Variants in KCNH1 observed in about 807,000 individuals in gnomAD.
KCNH1 encodes the protein voltage-gated delayed rectifier potassium channel KCNH1.
Under a neutral mutation model 69.2 loss-of-function variants are expected in KCNH1, and 27 were observed. That is an observed-to-expected ratio of 0.39 (90% CI 0.29 to 0.54). The LOEUF (loss-of-function observed/expected upper bound fraction) is 0.54. KCNH1 is among the 20% of genes least tolerant of loss of function. KCNH1 has a pLI of 0.68. For synonymous variants in KCNH1, 456 were observed against 487.7 expected (o/e 0.93, Z 0.86); for missense variants, 798 against 1,261.6 (o/e 0.63, Z 5.57).
At chr1:210,806,170 A>G in intron 7 of KCNH1, among the ~76,000 whole-genome samples, 1 of 152,342 alleles carries the variant, frequency 6.6e-6, no homozygotes, top group Non-Finnish European at 1.5e-5. Flanking sequence ...GCACCACTTT[A>G]CATTCCTGCC....
chr1:210,696,290 G>A (rs549727609), intron 10 of KCNH1, among the ~76,000 whole-genome samples: 4 of 152,252 alleles, frequency 2.6e-5, no homozygotes, highest in African/African-American at 9.6e-5. Flanking sequence ...CCTAGGTTTT[G>A]GTAATACTGC....
At chr1:211,051,935 T>C (rs901336949) in intron 5 of KCNH1, among the ~76,000 whole-genome samples, 3 of 151,988 alleles carry the variant, frequency 2.0e-5, no homozygotes, top group Non-Finnish European at 4.4e-5. Flanking sequence ...CAAATCTCTC[T>C]CTTTGCACTA....
intron 10 of KCNH1, among the ~76,000 whole-genome samples, chr1:210,719,064 G>C (rs189567517): frequency 1.4e-3 from 218 of 152,186 alleles, no homozygotes; most frequent in African/African-American, 5.0e-3. Flanking sequence ...GTCCAGTATG[G>C]TAGCCATTGC....
intron 10 of KCNH1, among the ~76,000 whole-genome samples, chr1:210,774,218 G>C (rs561080806): frequency 6.6e-6 from 1 of 152,312 alleles, no homozygotes; most frequent in African/African-American, 2.4e-5. Context: ...TAGTCAAGCA[G>C]CCATAAGAAG....
intron 7 of KCNH1, among the ~76,000 whole-genome samples, chr1:210,872,574 G>A (rs897682738): frequency 6.6e-6 from 1 of 152,170 alleles, no homozygotes; most frequent in Non-Finnish European, 1.5e-5. Flanking sequence ...CATCTGCTCA[G>A]CTTCTGGGGA....
At chr1:211,047,687 G>A (rs991855506) in intron 5 of KCNH1, among the ~76,000 whole-genome samples, 1 of 152,206 alleles carries the variant, frequency 6.6e-6, no homozygotes, top group African/African-American at 2.4e-5. Flanking sequence ...GTGTGTGTGT[G>A]TACATTCTTG....
rs537084808 is a variant in KCNH1 at position 210,771,530 on chromosome 1, C to T, written c.2112+3818G>A. 2.2e-4 allele frequency among the ~76,000 whole-genome samples: 34 copies of T among 152,256 alleles called. 1 individual carries two copies. The South Asian group carries it at 3.5e-3, about 16-fold the overall frequency. On this transcript the variant is annotated intron_variant, in intron 10 of 10. Transcript: ENST00000271751. ...ACAGAACATTGCGCAGGGCAATAAC[C>T]CTGCATGAACAAAGGCAGAGGAACT...
Position 210,683,406 on chromosome 1 carries a change from T to G in KCNH1, c.2845A>C (p.Lys949Gln). 6.2e-7 allele frequency: 1 copy of G among 1,614,138 alleles called. No individual in the cohort carries two copies. Among genetic ancestry groups the G allele is most frequent in the Non-Finnish European group, 8.5e-7 (1 of 1,180,020 alleles). The change falls in exon 11 of 11, where the codon AAA becomes CAA. Residue 949 changes from lysine (K) to glutamine (Q), a missense_variant. This residue lies in a region of KCNH1 where 331 missense variants were observed against 363.2 expected (regional missense o/e 0.91). Coordinates refer to ENST00000271751, the MANE Select transcript of KCNH1 (RefSeq NM_172362.3). The surrounding 1 kb of genome is among the most constrained non-coding windows in gnomAD (Gnocchi z 5.7). ...ALNAKMTNIE[K>Q]QLSEILRILT... ...ATCCTGAGTATCTCAGAGAGCTGTT[T>G]CTCAATATTGGTCATTTTGGCGTTT...
At chr1:210,865,369 G>T (rs1001023020) in intron 7 of KCNH1, among the ~76,000 whole-genome samples, 11 of 152,128 alleles carry the variant, frequency 7.2e-5, no homozygotes, top group African/African-American at 2.2e-4. Flanking sequence ...CTTGACCAAG[G>T]TCATATAGTT....
At chr1:210,857,954 G>T (rs894128371) in intron 7 of KCNH1, among the ~76,000 whole-genome samples, 8 of 152,120 alleles carry the variant, frequency 5.3e-5, no homozygotes, top group South Asian at 2.1e-4. Context: ...AACAAGAGGG[G>T]TAGAAGGGAT....
intron 6 of KCNH1, among the ~76,000 whole-genome samples, chr1:210,975,469 G>A (rs1242552774): frequency 6.6e-6 from 1 of 152,108 alleles, no homozygotes; most frequent in Non-Finnish European, 1.5e-5. Context: ...TCTGATCTTT[G>A]ACAAACCTGA....
chr1:210,790,307 G>A (rs1162344862), intron 9 of KCNH1, among the ~76,000 whole-genome samples: 7 of 152,158 alleles, frequency 4.6e-5, no homozygotes, highest in Non-Finnish European at 8.8e-5. Flanking sequence ...ATGCAACAAT[G>A]TAACAAGTCA....
chr1:210,782,790 C>T (rs1414187603), intron 9 of KCNH1, among the ~76,000 whole-genome samples: 3 of 152,184 alleles, frequency 2.0e-5, no homozygotes, highest in Non-Finnish European at 4.4e-5. Flanking sequence ...AGAGAGTTTC[C>T]TCCCCATGTG....
chr1:210,811,432 C>T (rs562961650), intron 7 of KCNH1, among the ~76,000 whole-genome samples: 12 of 152,236 alleles, frequency 7.9e-5, no homozygotes, highest in African/African-American at 2.9e-4. Context: ...TCCCTTCTGT[C>T]ACATTAGGGT....
chr1:210,798,184 C>T (rs1207514285), intron 8 of KCNH1, among the ~76,000 whole-genome samples: 3 of 152,028 alleles, frequency 2.0e-5, no homozygotes, highest in South Asian at 2.1e-4. Flanking sequence ...GGACTACAGG[C>T]GCCCACCACC....
chr1:211,042,006 C>T (rs1410187299), intron 5 of KCNH1, among the ~76,000 whole-genome samples: 1 of 152,190 alleles, frequency 6.6e-6, no homozygotes, highest in African/African-American at 2.4e-5. Context: ...CCACCCACCT[C>T]AGCCTCCCAA....
chr1:210,682,025 A>G lies in KCNH1; in HGVS notation c.*1256T>C, dbSNP rs1314258062. On this transcript the variant is annotated 3_prime_UTR_variant, in exon 11 of 11. Coordinates refer to ENST00000271751, the MANE Select transcript of KCNH1 (RefSeq NM_172362.3). ...ATGGCCCATACGCAGTTCTGTGACC[A>G]TCACTGGGAGCCACAGCTCCAAGGC... The G allele has an allele frequency of 6.6e-6, 1 of 152,192 alleles. No individual in the cohort carries two copies. The highest frequency in any genetic ancestry group is 1.9e-4 in the East Asian group (1 of 5,176). 9.4% of individuals were successfully genotyped at this position (152,192 alleles called of 1,614,324 possible).
At chr1:210,749,469 C>A (rs1226818599) in intron 10 of KCNH1, among the ~76,000 whole-genome samples, 1 of 152,150 alleles carries the variant, frequency 6.6e-6, no homozygotes, top group Non-Finnish European at 1.5e-5. Flanking sequence ...CTATATCATG[C>A]CCAAGTCCTC....
At chr1:211,086,072 T>C (rs1176385892) in intron 4 of KCNH1, among the ~76,000 whole-genome samples, 1 of 152,186 alleles carries the variant, frequency 6.6e-6, no homozygotes, top group African/African-American at 2.4e-5. Flanking sequence ...GTCTATCCCT[T>C]CTCCCAAATA....
Sources: gnomAD v4.1 joint callset for allele counts (sites outside exome capture counted in the v4.1 genomes callset) on GRCh38, gnomAD v4.1.1 for gene constraint, gnomAD v4.1.1 regional missense constraint, Gnocchi (gnomAD v3.1) non-coding constraint, MANE v1.5 for transcripts, NCBI Gene and HGNC (gene_info 2026-07-23, HGNC 2026-07-21) for gene names.